Variants in DHX57 observed in about 807,000 individuals in gnomAD.
DHX57 encodes putative ATP-dependent RNA helicase DHX57.
In DHX57, 105 loss-of-function variants were observed where a neutral mutation model predicts 156.2. That is an observed-to-expected ratio of 0.67 (90% CI 0.57 to 0.79). DHX57 has a LOEUF of 0.79. Ranked by LOEUF, DHX57 falls within the 30% of genes least tolerant of loss-of-function variation. The probability of loss-of-function intolerance (pLI) is 0.00; values close to 1 mark genes in which losing one functional copy is unlikely to be tolerated. For missense variants in DHX57, 1,847 were observed against 1,661.9 expected (o/e 1.11, Z -1.94); for synonymous variants, 704 against 595.6 (o/e 1.18, Z -2.65).
At chr2:38,823,481 A>G (rs3112147) in intron 16 of DHX57, among the ~76,000 whole-genome samples, 4,659 of 152,286 alleles carry the variant, frequency 0.031, 89 homozygotes, top group South Asian at 0.061. Flanking sequence ...TAAACTTTCA[A>G]AATGCTTCTT....
At chr2:38,831,393 G>A (rs1456750657) in intron 13 of DHX57, among the ~76,000 whole-genome samples, 3 of 151,212 alleles carry the variant, frequency 2.0e-5, no homozygotes, top group Non-Finnish European at 4.4e-5. Context: ...GCAATGGAGG[G>A]ATTTTGGCTT....
chr2:38,826,113 G>C (rs1232436447), intron 15 of DHX57, 66 bp from the exon 16 acceptor site: 15 of 1,493,492 alleles, frequency 1.0e-5, no homozygotes, highest in Non-Finnish European at 1.4e-5. Context: ...TGCTTGCTAT[G>C]GACAGAATAG....
At chr2:38,801,809 C>T (rs1410588013) in intron 23 of DHX57, among the ~76,000 whole-genome samples, 1 of 152,128 alleles carries the variant, frequency 6.6e-6, no homozygotes, top group Non-Finnish European at 1.5e-5. Flanking sequence ...ATTGGCCAGG[C>T]TGGTCTCGAA....
chr2:38,855,049 A>C lies in DHX57; in HGVS notation c.1905+8T>G, dbSNP rs1422613598. ...TCTGTTACCAGGAAATAAGCAGAGC[A>C]TACAAACCTTGACACTTTCTAACCG... On this transcript the variant is annotated splice_region_variant and intron_variant, in intron 8 of 23. Coordinates refer to ENST00000457308, the MANE Select transcript of DHX57 (RefSeq NM_198963.3). 1 of 1,614,172 alleles carries C rather than the reference A, an allele frequency of 6.2e-7. No individual in the cohort carries two copies. Among genetic ancestry groups the C allele is most frequent in the South Asian group, 1.1e-5 (1 of 91,086 alleles).
chr2:38,827,914 T>C (rs1286958015), intron 14 of DHX57, among the ~76,000 whole-genome samples: 1 of 152,102 alleles, frequency 6.6e-6, no homozygotes, highest in Non-Finnish European at 1.5e-5. Flanking sequence ...TGGAGCGCAA[T>C]GGTGTGATCT....
In DHX57 at chr2:38,810,547, A is replaced by G. The variant is rs961358002; in HGVS notation, c.3681+3274T>C. 61 of 571,172 alleles carry G rather than the reference A, an allele frequency of 1.1e-4. No individual in the cohort carries two copies. In the Admixed American group the frequency reaches 1.2e-3, roughly 11 times the overall value. The allele number at this position is 571,172 out of a possible 1,614,324, so 35.4% of individuals were successfully genotyped here. On this transcript the variant is annotated intron_variant, in intron 21 of 23. Coordinates refer to ENST00000457308, the MANE Select transcript of DHX57 (RefSeq NM_198963.3). Reference sequence around the variant, plus strand: ...TGGCTCATCATTGCCCTCCACGTTCATGCTCACCTGCTCTCCACTGTAGAG... The same window carrying G: ...TGGCTCATCATTGCCCTCCACGTTCGTGCTCACCTGCTCTCCACTGTAGAG...
At chr2:38,868,801 G>A (rs979600012) in intron 1 of DHX57, among the ~76,000 whole-genome samples, 1 of 114,448 alleles carries the variant, frequency 8.7e-6, no homozygotes, top group Admixed American at 9.2e-5. Context: ...CTAATTTAGA[G>A]TTTTATTTAT....
At chr2:38,859,028 T>C (rs1420161323) in intron 5 of DHX57, among the ~76,000 whole-genome samples, 192 bp from the exon 6 acceptor site, 1 of 152,110 alleles carries the variant, frequency 6.6e-6, no homozygotes, top group Admixed American at 6.5e-5. Flanking sequence ...AAATAAACTT[T>C]TATCAAGCAC....
intron 1 of DHX57, among the ~76,000 whole-genome samples, chr2:38,875,044 C>G (rs768527065): frequency 1.3e-5 from 2 of 152,170 alleles, no homozygotes; most frequent in African/African-American, 2.4e-5. Context: ...AACAAGTTGT[C>G]TCACACCAAC....
chr2:38,802,726 C>G lies in DHX57; in HGVS notation c.4006G>C (p.Ala1336Pro). The G allele has an allele frequency of 6.2e-7, 1 of 1,614,068 alleles. No individual in the cohort carries two copies. The highest frequency in any genetic ancestry group is 8.5e-7 in the Non-Finnish European group (1 of 1,180,016). ...LDDGWIRFVA[A>P]SHQVAELVKE... is the part of the protein sequence containing the mutation. ...AATTCTGCCTTTACCTGATGGGAAG[C>G]AGCTACAAAACGGATCCAACCATCA... The change falls in exon 23 of 24, where the codon GCT (alanine) becomes CCT (proline). Residue 1336 changes from alanine to proline, a missense_variant. Physicochemically the swap from Ala to Pro is conservative, Grantham distance 27 (BLOSUM62 -1). Coordinates refer to ENST00000457308, the MANE Select transcript of DHX57 (RefSeq NM_198963.3).
intron 1 of DHX57, among the ~76,000 whole-genome samples, chr2:38,873,867 T>C (rs569337133): frequency 6.6e-6 from 1 of 152,068 alleles, no homozygotes; most frequent in Non-Finnish European, 1.5e-5. Flanking sequence ...AGTGGTTGGG[T>C]AAGGCCTCTT....
rs955349289 is a variant in DHX57 at position 38,831,304 on chromosome 2, A to G, written c.2543-2868T>C. On this transcript the variant is annotated intron_variant, in intron 13 of 23. Transcript: ENST00000457308. ...TATCAACTCTGCTTTAAATTTAGGT[A>G]ATTTTCTTTCTTTATTTCTTTTTTT... Among the ~76,000 whole-genome samples the G allele has an allele frequency of 2.7e-5, 4 of 145,624 alleles. No homozygotes were observed. The South Asian group carries it at 8.9e-4, about 32-fold the overall frequency.
At chr2:38,846,931 C>T (rs889479915) in intron 11 of DHX57, 88 bp downstream of exon 11, 1 of 1,124,102 alleles carries the variant, frequency 8.9e-7, no homozygotes, top group Admixed American at 2.1e-5. Context: ...AAAGATCCTC[C>T]CACCTTTGCC....
intron 17 of DHX57, among the ~76,000 whole-genome samples, chr2:38,821,879 C>T (rs1352512934): frequency 6.6e-6 from 1 of 151,620 alleles, no homozygotes; most frequent in Non-Finnish European, 1.5e-5. Context: ...AATTATATGC[C>T]AATAAATTAG....
intron 19 of DHX57, chr2:38,815,906 A>G: frequency 1.9e-6 from 1 of 516,558 alleles, no homozygotes; most frequent in South Asian, 2.2e-5. Flanking sequence ...AGGATCATTT[A>G]TTTAACTCTA....
chr2:38,864,734 G>GTCCC (rs1664967684), intron 2 of DHX57, among the ~76,000 whole-genome samples: 1 of 152,106 alleles, frequency 6.6e-6, no homozygotes, highest in African/African-American at 2.4e-5. Flanking sequence ...TGTAGCTACT[G>GTCCC]ACCCATCTCT....
At chr2:38,843,283 C>T (rs776719744) in intron 11 of DHX57, 73 bp from the exon 12 acceptor site, 40 of 1,495,426 alleles carry the variant, frequency 2.7e-5, no homozygotes, top group Non-Finnish European at 3.6e-5. Context: ...TCACCTGTTT[C>T]ACGTGCTCGT....
At chr2:38,843,443 C>G (rs1176204754) in intron 11 of DHX57, among the ~76,000 whole-genome samples, 3 of 152,164 alleles carry the variant, frequency 2.0e-5, no homozygotes, top group Non-Finnish European at 2.9e-5. Flanking sequence ...AAGCTCTATC[C>G]AGGAATAATG....
rs775592201 is a variant in DHX57, at chr2:38,798,459, A to G, written c.4018-17T>C. The stretch of plus-strand genomic sequence containing the variant: ...TTCAGCCACCTAAAATGAAAGCTAC[A>G]ATATAAGCAGTGCTTGGAGGAACAG... On this transcript the variant is annotated splice_polypyrimidine_tract_variant and intron_variant, in intron 23 of 23. Coordinates refer to ENST00000457308, the MANE Select transcript of DHX57 (RefSeq NM_198963.3). 7 of 1,603,946 alleles carry G rather than the reference A, an allele frequency of 4.4e-6. No homozygotes were observed. The highest frequency in any genetic ancestry group is 3.4e-5 in the South Asian group (3 of 89,178).
Sources: gnomAD v4.1 joint callset for allele counts (sites outside exome capture counted in the v4.1 genomes callset) on GRCh38, gnomAD v4.1.1 for gene constraint, MANE v1.5 for transcripts, NCBI Gene and HGNC (gene_info 2026-07-23, HGNC 2026-07-21) for gene names.